The following EFHB variants were observed in gnomAD, a reference collection of about 807,000 sequenced individuals.
The protein encoded by EFHB is EF-hand domain-containing family member B.
In EFHB, 91 loss-of-function variants were observed where a neutral mutation model predicts 87.2. The ratio of observed to expected loss-of-function variants is 1.04; its 90% confidence interval spans 0.88 to 1.24. The LOEUF (loss-of-function observed/expected upper bound fraction) is 1.24. Ranked by LOEUF, EFHB falls within the 50% of genes most tolerant of loss-of-function variation. EFHB has a pLI of 0.00. For missense variants in EFHB, 1,084 were observed against 998.8 expected (o/e 1.09, Z -1.15); for synonymous variants, 325 against 333.6 (o/e 0.97, Z 0.28).
At chr3:19,916,079 T>G (rs1695220911) in intron 4 of EFHB, among the ~76,000 whole-genome samples, 1 of 152,210 alleles carries the variant, frequency 6.6e-6, no homozygotes, top group Non-Finnish European at 1.5e-5. Context: ...AATTTTTATT[T>G]TAGTTTGCTG....
Position 19,905,600 on chromosome 3 carries a change from C to A in EFHB, c.1418+20G>T, listed in dbSNP as rs1279659783. The A allele has an allele frequency of 1.9e-6, 3 of 1,609,458 alleles. No individual in the cohort carries two copies. The Admixed American group carries it at 5.0e-5, about 27-fold the overall frequency. ...CAAATGTCTAACACTTGTTCCTGGG[C>A]ACAGTATAATTAAACTTACATTTGT... On this transcript the variant is annotated intron_variant, in intron 6 of 12. Transcript: ENST00000295824.
At chr3:19,922,192 G>T (rs547231166) in intron 1 of EFHB, among the ~76,000 whole-genome samples, 2 of 152,102 alleles carry the variant, frequency 1.3e-5, no homozygotes, top group African/African-American at 4.8e-5. Flanking sequence ...AATTATGAAG[G>T]GAATCAGAAT....
At chr3:19,944,625 T>C (rs1187358836) in intron 1 of EFHB, among the ~76,000 whole-genome samples, 2 of 152,168 alleles carry the variant, frequency 1.3e-5, no homozygotes, top group African/African-American at 4.8e-5. Flanking sequence ...CAGGCAAACA[T>C]TATGACTAAA....
At chr3:19,929,694 G>A (rs1269690398) in intron 1 of EFHB, among the ~76,000 whole-genome samples, 11 of 123,166 alleles carry the variant, frequency 8.9e-5, no homozygotes, top group South Asian at 2.8e-4. Context: ...GGGCGAGAGC[G>A]TGAGACTCCA....
intron 1 of EFHB, among the ~76,000 whole-genome samples, chr3:19,925,142 T>C (rs1695575844): frequency 1.3e-5 from 2 of 149,954 alleles, no homozygotes; most frequent in Admixed American, 6.7e-5. Flanking sequence ...CCCGGGAGGC[T>C]GAGGCAGGAG....
At chr3:19,912,153 T>A (rs1695086225) in intron 5 of EFHB, among the ~76,000 whole-genome samples, 2 of 152,014 alleles carry the variant, frequency 1.3e-5, no homozygotes, top group Admixed American at 6.6e-5. Flanking sequence ...AGACATTGAA[T>A]AATCCAACTC....
In EFHB at chr3:19,918,381, G is replaced by C; in HGVS notation, c.1028C>G (p.Thr343Ser). 1 of 1,608,596 alleles carries C rather than the reference G, an allele frequency of 6.2e-7. No homozygotes were observed. Among genetic ancestry groups the C allele is most frequent in the Non-Finnish European group, 8.5e-7 (1 of 1,178,390 alleles). ...ANTLINPQPI[T>S]TFQQKIKDKK... Reference sequence around the variant, plus strand: ...ATCTTTAATTTTCTGTTGAAATGTGGTAATAGGCTGTGGGTTTATCAATGT... The same window carrying C: ...ATCTTTAATTTTCTGTTGAAATGTGCTAATAGGCTGTGGGTTTATCAATGT... The change falls in exon 4 of 13, where the codon ACC becomes AGC. Residue 343 changes from threonine (T) to serine (S), a missense_variant. Thr to Ser is a moderately conservative substitution (Grantham distance 58). Transcript: ENST00000295824.
At chr3:19,938,410 G>A (rs556592434), upstream of EFHB, among the ~76,000 whole-genome samples, 2 of 152,300 alleles carry the variant, frequency 1.3e-5, no homozygotes, top group African/African-American at 4.8e-5. Flanking sequence ...TTAAAGGAAT[G>A]TGTACACATG....
chr3:19,917,138 A>G (rs2125149039), intron 4 of EFHB, among the ~76,000 whole-genome samples: 1 of 151,964 alleles, frequency 6.6e-6, no homozygotes, highest in East Asian at 1.9e-4. Context: ...TGGGAGGCCA[A>G]GGTGGGAGAA....
chr3:19,903,643 T>C (rs1694745106), intron 6 of EFHB, among the ~76,000 whole-genome samples: 2 of 152,214 alleles, frequency 1.3e-5, no homozygotes, highest in Admixed American at 6.5e-5. Flanking sequence ...ACAGGGTTAC[T>C]ATGATACTGT....
chr3:19,884,418 C>G lies in EFHB; in HGVS notation c.2131G>C (p.Ala711Pro). 1 of 1,613,480 alleles carries G rather than the reference C, an allele frequency of 6.2e-7. No individual in the cohort carries two copies. Among genetic ancestry groups the G allele is most frequent in the Admixed American group, 1.7e-5 (1 of 59,932 alleles). Residue 711 changes from alanine (A) to proline (P), a missense_variant, in exon 11 of 13, where the codon GCC becomes CCC. Transcript: ENST00000295824. ...AGTGACATACAAGTAGAAGGAATGG[C>G]TCCTACAATTGCATTGATCTCAGAA... Reference protein sequence around the residue: ...TSSEINAIVGAIPSTCYPICG... With the variant: ...TSSEINAIVGPIPSTCYPICG...
At position 19,933,588 on chromosome 3, in the gene EFHB, C is replaced by T; in HGVS notation, c.431G>A (p.Arg144Lys). Residue 144 changes from arginine (R) to lysine (K), a missense_variant, in exon 1 of 13, where the codon AGA becomes AAA. Arg to Lys is a conservative substitution (Grantham distance 26). Coordinates refer to ENST00000295824, the MANE Select transcript of EFHB (RefSeq NM_144715.4). ...TTCAGGGCCACTAGCCAAAGGAGCT[C>T]TCCTGCTCCCTGCAGCCTGTGAACT... ...CGSSQAAGSR[R>K]APLASGPEGV... The T allele has an allele frequency of 6.2e-7, 1 of 1,614,024 alleles. No individual in the cohort carries two copies. Among genetic ancestry groups the T allele is most frequent in the Non-Finnish European group, 8.5e-7 (1 of 1,179,896 alleles).
chr3:19,888,453 T>C lies in EFHB; in HGVS notation c.1924A>G (p.Ile642Val), dbSNP rs558784131. 7.3e-6 allele frequency: 11 copies of C among 1,504,220 alleles called. No individual in the cohort carries two copies. The Admixed American group carries it at 1.4e-4, about 19-fold the overall frequency. The allele number at this position is 1,504,220 out of a possible 1,614,324, so 93.2% of individuals were successfully genotyped here. ...MLLKEYEERVIIKGRKPDCVN... is the reference protein window; with the variant it reads ...MLLKEYEERVVIKGRKPDCVN... ...TTCAAAAATTAAATACCTTTAATAA[T>C]GACCCTCTCTTCATACTCTTTAAGA... Residue 642 changes from isoleucine (I) to valine (V), a missense_variant, in exon 10 of 13, where the codon ATT becomes GTT. By Grantham distance (29) the Ile-to-Val change is conservative. Coordinates refer to ENST00000295824, the MANE Select transcript of EFHB (RefSeq NM_144715.4).
At chr3:19,899,966 G>A (rs2929380) in intron 6 of EFHB, among the ~76,000 whole-genome samples, 24,795 of 152,046 alleles carry the variant, frequency 0.16, 2,221 homozygotes, top group South Asian at 0.31. Flanking sequence ...CCAGCTACTC[G>A]AGAGGCTGAG....
chr3:19,936,418 G>T (rs190749093), upstream of EFHB: 941 of 519,228 alleles, frequency 1.8e-3, 15 homozygotes, highest in Non-Finnish European at 1.6e-4. Flanking sequence ...TCAAAAATCA[G>T]CCAGGTGTAG....
At position 19,933,981 on chromosome 3, in the gene EFHB, T is replaced by A. The variant is rs1695931868; in HGVS notation, c.38A>T (p.Asp13Val). The change falls in exon 1 of 13, where the codon GAT (aspartate) becomes GTT (valine). Residue 13 changes from aspartate (D) to valine (V), a missense_variant. Coordinates refer to ENST00000295824, the MANE Select transcript of EFHB (RefSeq NM_144715.4). ...MEIGHPHEGKDDLGDKRVIMG... is the reference protein window; with the variant it reads ...MEIGHPHEGKVDLGDKRVIMG... Reference sequence around the variant, plus strand: ...GATGACCCTCTTGTCTCCTAAATCATCCTTTCCTTCGTGGGGATGTCCAAT... The same window carrying A: ...GATGACCCTCTTGTCTCCTAAATCAACCTTTCCTTCGTGGGGATGTCCAAT... The A allele has an allele frequency of 1.2e-6, 2 of 1,611,050 alleles. No individual in the cohort carries two copies. The highest frequency in any genetic ancestry group is 3.4e-5 in the Admixed American group (2 of 59,350).
intron 7 of EFHB, 142 bp from the exon 8 acceptor site, chr3:19,898,987 G>C: frequency 1.3e-6 from 1 of 749,126 alleles, no homozygotes; most frequent in Non-Finnish European, 2.2e-6. Flanking sequence ...TTCTCCAATA[G>C]ATCTTTTGTC....
chr3:19,925,563 CAACTCCA>C (rs1435316075), intron 1 of EFHB, among the ~76,000 whole-genome samples: 1 of 152,080 alleles, frequency 6.6e-6, no homozygotes, highest in African/African-American at 2.4e-5. Flanking sequence ...GTCTGTAACC[CAACTCCA>C]AACTGCACCA....
At chr3:19,934,636 A>G (rs1695966440), upstream of EFHB, among the ~76,000 whole-genome samples, 1 of 152,132 alleles carries the variant, frequency 6.6e-6, no homozygotes, top group Non-Finnish European at 1.5e-5. Flanking sequence ...TTTCCCAAGC[A>G]ACACAGTCGT....
Sources: allele counts gnomAD v4.1 joint callset (sites outside exome capture counted in the v4.1 genomes callset), GRCh38; gene constraint gnomAD v4.1.1; transcripts MANE v1.5; gene names NCBI Gene and HGNC (gene_info 2026-07-23, HGNC 2026-07-21).